PCDHGA8: variants seen among roughly 807,000 people sequenced by gnomAD.
PCDHGA8 encodes protocadherin gamma subfamily A, 8, also known as protocadherin gamma-A8.
A neutral mutation model predicts 59.2 loss-of-function variants in PCDHGA8; 45 were observed. The observed-to-expected ratio is 0.76, with a 90% CI of 0.60 to 0.98. The LOEUF (loss-of-function observed/expected upper bound fraction) is 0.98. Among genes scored for constraint, PCDHGA8 ranks in the 50% least tolerant of loss-of-function variants. PCDHGA8 has a pLI of 0.00. For missense variants in PCDHGA8, 1,257 were observed against 1,196.2 expected, an observed-to-expected ratio of 1.05 and a Z score of -0.75; for synonymous variants, 531 against 519.0, an observed-to-expected ratio of 1.02 and a Z score of -0.32.
rs1445356223 is a variant in PCDHGA8, at chr5:141,490,414, G to T, written c.2425-4393G>T. On this transcript the variant is annotated intron_variant, in intron 1 of 3. Transcript: ENST00000398604. This position sits in a 1 kb window ranked among gnomAD's most constrained non-coding sequence, Gnocchi z 5.4. ...TGAAGTGAGCCTTGATATCTCTCCGGACCTGCCATTTCAGATTAAGCCTTC... is the reference window on the plus strand; with the variant it reads ...TGAAGTGAGCCTTGATATCTCTCCGTACCTGCCATTTCAGATTAAGCCTTC... The T allele has an allele frequency of 1.2e-6, 2 of 1,614,138 alleles. No homozygotes were observed. The highest frequency in any genetic ancestry group is 1.7e-6 in the Non-Finnish European group (2 of 1,180,024).
At chr5:141,426,714 C>T (rs779529448) in intron 1 of PCDHGA8, 2 of 444,724 alleles carry the variant, frequency 4.5e-6, no homozygotes, top group South Asian at 3.1e-5. Flanking sequence ...AATCAATGAA[C>T]TAGCAATTCC....
rs749007839 is a variant in PCDHGA8 at position 141,418,069 on chromosome 5, G to A, written c.2424+22832G>A. On this transcript the variant is annotated intron_variant, in intron 1 of 3. Coordinates refer to ENST00000398604, the MANE Select transcript of PCDHGA8 (RefSeq NM_032088.2). ...CGGCTCGCGAGCTGCGAGTGAGCGC[G>A]GAGAAGCTGCACTTCAGCGTAGACG... 1.7e-5 allele frequency: 28 copies of A among 1,613,926 alleles called. 1 individual carries two copies. The Middle Eastern group carries it at 9.9e-4, about 57-fold the overall frequency.
chr5:141,453,997 A>C (rs1332821058), intron 1 of PCDHGA8, among the ~76,000 whole-genome samples: 2 of 152,242 alleles, frequency 1.3e-5, no homozygotes, highest in Non-Finnish European at 2.9e-5. Context: ...TGATAAACCC[A>C]CATAACATTT....
Position 141,489,179 on chromosome 5 carries a change from C to T in PCDHGA8, c.2425-5628C>T. ...AGACTTCAGCTGCTGCATTCCAAGC[C>T]CTGGGTCTACCTTGGAGACAGGACA... On this transcript the variant is annotated intron_variant, in intron 1 of 3. Coordinates refer to ENST00000398604, the MANE Select transcript of PCDHGA8 (RefSeq NM_032088.2). The surrounding 1 kb of genome is among the most constrained non-coding windows in gnomAD (Gnocchi z 4.5). The T allele has an allele frequency of 8.0e-7, 1 of 1,243,186 alleles. No individual in the cohort carries two copies. The highest frequency in any genetic ancestry group is 1.1e-6 in the Non-Finnish European group (1 of 890,032). The allele number at this position is 1,243,186 out of a possible 1,614,324, so 77.0% of individuals were successfully genotyped here. A position where few individuals can be genotyped will look rare whatever the true frequency, so the allele number is the denominator to read the frequency against.
In PCDHGA8 at chr5:141,432,872, C is replaced by A. The variant is rs73280906; in HGVS notation, c.2424+37635C>A. The stretch of plus-strand genomic sequence containing the variant: ...GGTGGCCGCGGTCTCCTGCGTCTTC[C>A]TGGCCTTCGTCATCTTGCTGCTGGC... On this transcript the variant is annotated intron_variant, in intron 1 of 3. Transcript: ENST00000398604. The surrounding 1 kb of genome is among the most constrained non-coding windows in gnomAD (Gnocchi z 6.0). 2,361 of 1,614,192 alleles carry A rather than the reference C, an allele frequency of 1.5e-3. 32 individuals carry two copies. In the African/African-American group the frequency reaches 0.028, roughly 19 times the overall value.
In PCDHGA8 at chr5:141,392,671, C is replaced by A; in HGVS notation, c.-143C>A. 1.1e-6 allele frequency: 1 copy of A among 875,408 alleles called. No homozygotes were observed. Among genetic ancestry groups the A allele is most frequent in the Non-Finnish European group, 1.7e-6 (1 of 597,006 alleles). The allele number at this position is 875,408 out of a possible 1,614,324, so 54.2% of individuals were successfully genotyped here. On this transcript the variant is annotated 5_prime_UTR_variant, in exon 1 of 4. In the 5' UTR this introduces an upstream ATG that the reference lacks. Coordinates refer to ENST00000398604, the MANE Select transcript of PCDHGA8 (RefSeq NM_032088.2). ...ACCCGCAGATGCCACAAACTAACTG[C>A]TGGACTGCAGCGAAACCCGACCCCT...
intron 2 of PCDHGA8, among the ~76,000 whole-genome samples, chr5:141,499,879 G>C (rs1470090790): frequency 9.2e-5 from 14 of 151,952 alleles, no homozygotes. Flanking sequence ...GTACAAACAG[G>C]GTTTCGCCAT....
chr5:141,414,909 C>T (rs1230113440), intron 1 of PCDHGA8: 10 of 1,614,102 alleles, frequency 6.2e-6, no homozygotes, highest in Admixed American at 1.7e-5. Context: ...GTTCCACAGG[C>T]GTGGAGCTGG....
chr5:141,455,130 A>T (rs1446894125), intron 1 of PCDHGA8, among the ~76,000 whole-genome samples: 2 of 150,970 alleles, frequency 1.3e-5, no homozygotes, highest in African/African-American at 4.8e-5. Flanking sequence ...GTTTTAAATT[A>T]CACTGTGTTA....
chr5:141,511,462 C>T lies in PCDHGA8; in HGVS notation c.*289C>T, dbSNP rs1385398410. On this transcript the variant is annotated 3_prime_UTR_variant, in exon 4 of 4. Transcript: ENST00000398604. Reference sequence around the variant, plus strand: ...AGACACCAAGAACCATTTGCCACACCCCGTTTAGTTACAGCTGAACTCCTC... The same window carrying T: ...AGACACCAAGAACCATTTGCCACACTCCGTTTAGTTACAGCTGAACTCCTC... 5.4e-6 allele frequency: 3 copies of T among 556,350 alleles called. No individual in the cohort carries two copies. In the South Asian group the frequency reaches 6.3e-5, roughly 12 times the overall value. 34.5% of individuals were successfully genotyped at this position (556,350 alleles called of 1,614,324 possible).
intron 1 of PCDHGA8, chr5:141,478,169 G>A (rs2099436111): frequency 1.2e-6 from 2 of 1,613,716 alleles, no homozygotes; most frequent in Admixed American, 1.7e-5. Flanking sequence ...TGCCCCCCGG[G>A]AGCAGAAAAA....
chr5:141,454,128 C>T (rs988254902), intron 1 of PCDHGA8, among the ~76,000 whole-genome samples: 4 of 152,122 alleles, frequency 2.6e-5, no homozygotes, highest in African/African-American at 7.2e-5. Flanking sequence ...AATAGCTGAC[C>T]ATGGGAATGT....
At chr5:141,463,784 T>G (rs2099069378) in intron 1 of PCDHGA8, among the ~76,000 whole-genome samples, 1 of 152,194 alleles carries the variant, frequency 6.6e-6, no homozygotes, top group South Asian at 2.1e-4. Context: ...CTGCACTGTC[T>G]TTTGAACAAA....
chr5:141,504,963 AC>A (rs1409940135), intron 2 of PCDHGA8, among the ~76,000 whole-genome samples: 1 of 152,038 alleles, frequency 6.6e-6, no homozygotes, highest in Non-Finnish European at 1.5e-5. Context: ...AATGCATTGG[AC>A]CAGCCTGGCC....
intron 1 of PCDHGA8, among the ~76,000 whole-genome samples, chr5:141,465,335 T>C (rs1222292569): frequency 6.6e-6 from 1 of 152,186 alleles, no homozygotes; most frequent in African/African-American, 2.4e-5. Context: ...ATTTTTTATA[T>C]TGGTTACTGA....
At chr5:141,410,683 A>G (rs775289402) in intron 1 of PCDHGA8, 2 of 1,528,162 alleles carry the variant, frequency 1.3e-6, no homozygotes. Flanking sequence ...TATTTTAGGC[A>G]TACTACTTTA....
chr5:141,409,769 G>A (rs1413636372), intron 1 of PCDHGA8: 19 of 1,612,658 alleles, frequency 1.2e-5, no homozygotes, highest in Non-Finnish European at 1.5e-5. Context: ...CTTTGATCAC[G>A]AGCAGCTGCG....
chr5:141,496,533 G>A (rs2099769399), intron 2 of PCDHGA8, among the ~76,000 whole-genome samples: 2 of 152,176 alleles, frequency 1.3e-5, no homozygotes, highest in Admixed American at 1.3e-4. Context: ...GTGTATGGCA[G>A]AGATTCCAGC....
intron 1 of PCDHGA8, chr5:141,423,087 G>C (rs756067751): frequency 1.2e-6 from 2 of 1,613,936 alleles, no homozygotes; most frequent in African/African-American, 1.3e-5. Context: ...TCTTCGCGGT[G>C]GGGGAGCACA....
Sources: gnomAD v4.1 joint callset for allele counts (sites outside exome capture counted in the v4.1 genomes callset) on GRCh38, gnomAD v4.1.1 for gene constraint, Gnocchi (gnomAD v3.1) non-coding constraint, MANE v1.5 for transcripts, NCBI Gene and HGNC (gene_info 2026-07-23, HGNC 2026-07-21) for gene names.